C10orf90: variants seen among roughly 807,000 people sequenced by gnomAD.
The protein encoded by C10orf90 is (E2-independent) E3 ubiquitin-conjugating enzyme FATS.
A neutral mutation model predicts 62.5 loss-of-function variants in C10orf90; 56 were observed. That is an observed-to-expected ratio of 0.90 (90% confidence interval 0.72 to 1.12). The LOEUF (loss-of-function observed/expected upper bound fraction) is 1.12. Ranked by LOEUF, C10orf90 falls within the 50% of genes most tolerant of loss-of-function variation. The pLI is 0.00. For synonymous variants in C10orf90, 386 were observed against 340.4 expected, an observed-to-expected ratio of 1.13 and a Z score of -1.47; for missense variants, 970 against 880.4, an observed-to-expected ratio of 1.10 and a Z score of -1.29.
chr10:126,525,834 G>A (rs116969552), intron 2 of C10orf90, among the ~76,000 whole-genome samples: 4,810 of 152,202 alleles, frequency 0.032, 118 homozygotes, highest in Non-Finnish European at 0.048. Flanking sequence ...TTGGTTTTGA[G>A]TTCTTTGGCT....
chr10:126,449,338 C>T (rs972788126), intron 7 of C10orf90, among the ~76,000 whole-genome samples: 3 of 152,092 alleles, frequency 2.0e-5, no homozygotes, highest in Admixed American at 2.0e-4. Context: ...ATTCAACATC[C>T]TTTTATGGTA....
intron 7 of C10orf90, among the ~76,000 whole-genome samples, chr10:126,441,104 G>T (rs958044950): frequency 6.6e-6 from 1 of 152,166 alleles, no homozygotes; most frequent in Non-Finnish European, 1.5e-5. Flanking sequence ...ACCAGAGAAA[G>T]GTGGAGCCCA....
At chr10:126,518,022 C>T (rs183385358) in intron 2 of C10orf90, among the ~76,000 whole-genome samples, 2 of 151,028 alleles carry the variant, frequency 1.3e-5, no homozygotes, top group African/African-American at 4.9e-5. Context: ...TTGCTTGGCT[C>T]TTTCCCCTTC....
chr10:126,532,237 A>G (rs1440276800), intron 2 of C10orf90, among the ~76,000 whole-genome samples: 1 of 152,080 alleles, frequency 6.6e-6, no homozygotes, highest in Non-Finnish European at 1.5e-5. Flanking sequence ...CTATCTGTGG[A>G]TGGTGGGTAA....
intron 1 of C10orf90, among the ~76,000 whole-genome samples, chr10:126,652,165 TATA>T (rs1274544424): frequency 1.5e-4 from 23 of 152,250 alleles, no homozygotes; most frequent in African/African-American, 5.5e-4. Flanking sequence ...ACCCTGCACC[TATA>T]ATAACTCAAA....
At chr10:126,565,306 A>C (rs1441000529) in intron 2 of C10orf90, among the ~76,000 whole-genome samples, 1 of 65,460 alleles carries the variant, frequency 1.5e-5, no homozygotes, top group African/African-American at 6.6e-5. Flanking sequence ...TATATTATAT[A>C]TTATATTATA....
chr10:126,651,567 G>A (rs541346656), intron 1 of C10orf90, among the ~76,000 whole-genome samples: 4 of 152,108 alleles, frequency 2.6e-5, no homozygotes, highest in Admixed American at 6.5e-5. Flanking sequence ...AATACTCATC[G>A]CCAGCTTCTG....
chr10:126,466,074 G>A (rs767962486), intron 4 of C10orf90, among the ~76,000 whole-genome samples: 3 of 151,932 alleles, frequency 2.0e-5, no homozygotes, highest in Non-Finnish European at 2.9e-5. Context: ...TGCCCTATAC[G>A]TTTTTTAAAG....
At chr10:126,604,418 G>A (rs1280448006) in intron 2 of C10orf90, among the ~76,000 whole-genome samples, 1 of 151,808 alleles carries the variant, frequency 6.6e-6, no homozygotes, top group East Asian at 1.9e-4. Flanking sequence ...TCAGTTGAAA[G>A]AAAAAAAATA....
At chr10:126,530,680 C>T (rs1462546258) in intron 2 of C10orf90, among the ~76,000 whole-genome samples, 1 of 151,952 alleles carries the variant, frequency 6.6e-6, no homozygotes, top group Non-Finnish European at 1.5e-5. Context: ...AAGGAAGAAA[C>T]CAAACCGAGC....
chr10:126,435,423 A>G (rs1217927482), intron 7 of C10orf90, among the ~76,000 whole-genome samples: 1 of 152,206 alleles, frequency 6.6e-6, no homozygotes, highest in African/African-American at 2.4e-5. Context: ...GCTCAGAGTC[A>G]GGTCACCATC....
At chr10:126,647,403 A>G (rs1846193033) in intron 1 of C10orf90, among the ~76,000 whole-genome samples, 1 of 152,224 alleles carries the variant, frequency 6.6e-6, no homozygotes, top group African/African-American at 2.4e-5. Flanking sequence ...GCCTCAGTTC[A>G]TGTCCCAGTC....
chr10:126,445,803 G>GTATATATATATATATATATATATATATA (rs1227032547), intron 7 of C10orf90, among the ~76,000 whole-genome samples: 1 of 67,042 alleles, frequency 1.5e-5, no homozygotes, highest in African/African-American at 6.5e-5. Context: ...AGAAACTGTG[G>GTATATATATATATATATATATATATATA]TGTATATATA....
At chr10:126,534,581 C>T (rs1864184684) in intron 2 of C10orf90, among the ~76,000 whole-genome samples, 2 of 152,298 alleles carry the variant, frequency 1.3e-5, no homozygotes, top group East Asian at 1.9e-4. Context: ...AAAGCACATC[C>T]TCCATTTCCA....
At chr10:126,492,756 G>A (rs909771269) in intron 4 of C10orf90, among the ~76,000 whole-genome samples, 9 of 152,116 alleles carry the variant, frequency 5.9e-5, no homozygotes, top group African/African-American at 2.2e-4. Flanking sequence ...GGAGTTTTTT[G>A]TAATGACAAT....
intron 4 of C10orf90, among the ~76,000 whole-genome samples, chr10:126,477,416 C>T (rs928257208): frequency 5.9e-5 from 9 of 152,088 alleles, no homozygotes; most frequent in African/African-American, 1.4e-4. Context: ...AGGCCTGCCA[C>T]GTTTCACACC....
intron 1 of C10orf90, among the ~76,000 whole-genome samples, chr10:126,658,933 C>A (rs566907744): frequency 6.6e-6 from 1 of 152,186 alleles, no homozygotes; most frequent in African/African-American, 2.4e-5. Flanking sequence ...ATTTTCATTT[C>A]GCAAGCTTCC....
chr10:126,669,961 C>T (rs1428102862), intron 1 of C10orf90, among the ~76,000 whole-genome samples: 1 of 152,054 alleles, frequency 6.6e-6, no homozygotes, highest in Admixed American at 6.5e-5. Flanking sequence ...TACAAATTAC[C>T]CAACTCAGTA....
intron 2 of C10orf90, among the ~76,000 whole-genome samples, chr10:126,611,704 G>A (rs1845438582): frequency 6.6e-6 from 1 of 152,102 alleles, no homozygotes; most frequent in African/African-American, 2.4e-5. Context: ...CCAGAAGAGG[G>A]GATTTTTGTT....
Sources: allele counts gnomAD v4.1 joint callset (sites outside exome capture counted in the v4.1 genomes callset), GRCh38; gene constraint gnomAD v4.1.1; transcripts MANE v1.5; gene names NCBI Gene and HGNC (gene_info 2026-07-23, HGNC 2026-07-21).